The following PRR33 variants were observed in gnomAD, a reference collection of about 807,000 sequenced individuals.
PRR33 encodes proline rich 33.
A neutral mutation model predicts 0.5 loss-of-function variants in PRR33; 1 was observed. That is an observed-to-expected ratio of 2.18 (90% CI 0.77 to 10.34). PRR33 has a LOEUF of 10.34. Ranked by LOEUF, PRR33 falls within the 30% of genes most tolerant of loss-of-function variation. The probability of loss-of-function intolerance (pLI) is 0.13; values close to 1 mark genes in which losing one functional copy is unlikely to be tolerated. For synonymous variants in PRR33, 226 were observed against 110.0 expected (o/e 2.06, Z -6.60); for missense variants, 552 against 251.8 (o/e 2.19, Z -8.07).
chr11:1,901,425 A>G, the PRR33 span, among the ~76,000 whole-genome samples: 6 of 152,208 alleles, frequency 3.9e-5, no homozygotes, highest in South Asian at 1.2e-3. Context: ...TATCAGATAC[A>G]TGTCATACAG....
At chr11:1,890,310 G>A in exon 1 of PRR33, 3 of 711,440 alleles carry the variant, frequency 4.2e-6, no homozygotes, top group Non-Finnish European at 7.8e-6. Flanking sequence ...AAGGCGTGGG[G>A]CTTCGGCGGG....
the PRR33 span, chr11:1,902,774 A>G: frequency 6.6e-6 from 1 of 152,198 alleles, no homozygotes; most frequent in Non-Finnish European, 1.5e-5. Context: ...AAGTAAAGGA[A>G]TAAAGAATGG....
the PRR33 span, among the ~76,000 whole-genome samples, chr11:1,914,558 G>GTA: frequency 6.8e-6 from 1 of 146,126 alleles, no homozygotes; most frequent in African/African-American, 2.6e-5. Context: ...GTGTTGTAGG[G>GTA]TATATACACC....
At chr11:1,913,381 C>T in the PRR33 span, among the ~76,000 whole-genome samples, 1 of 151,342 alleles carries the variant, frequency 6.6e-6, no homozygotes, top group Non-Finnish European at 1.5e-5. Context: ...CTCCTGACCT[C>T]GTGATCCGCC....
the PRR33 span, among the ~76,000 whole-genome samples, chr11:1,905,641 A>G: frequency 2.0e-5 from 3 of 148,854 alleles, no homozygotes; most frequent in Non-Finnish European, 1.5e-5. Flanking sequence ...GTTTCTACCA[A>G]ACCCTGGTAG....
At chr11:1,911,515 T>G in the PRR33 span, among the ~76,000 whole-genome samples, 3 of 150,200 alleles carry the variant, frequency 2.0e-5, no homozygotes, top group Non-Finnish European at 3.0e-5. Context: ...CCTCCCGGGT[T>G]CAATCGATTC....
chr11:1,894,863 G>A (rs943658403), upstream of PRR33, among the ~76,000 whole-genome samples: 5 of 152,212 alleles, frequency 3.3e-5, no homozygotes, highest in Non-Finnish European at 5.9e-5. Flanking sequence ...CGTGGGAGGT[G>A]TGTGTGAAAC....
At chr11:1,903,779 C>G in the PRR33 span, among the ~76,000 whole-genome samples, 1 of 152,198 alleles carries the variant, frequency 6.6e-6, no homozygotes, top group African/African-American at 2.4e-5. Flanking sequence ...TCGTGATCAA[C>G]TGAGCAATGA....
the PRR33 span, among the ~76,000 whole-genome samples, chr11:1,901,338 G>A: frequency 2.6e-5 from 4 of 151,284 alleles, no homozygotes; most frequent in Non-Finnish European, 4.4e-5. Context: ...GCAAGATGGA[G>A]TCAATTAAGT....
the PRR33 span, among the ~76,000 whole-genome samples, chr11:1,912,514 G>A: frequency 3.9e-5 from 6 of 152,038 alleles, no homozygotes; most frequent in South Asian, 2.1e-4. Flanking sequence ...TCTTTTCGTC[G>A]ACATTGCTTA....
At chr11:1,909,027 T>G in the PRR33 span, among the ~76,000 whole-genome samples, 1 of 152,196 alleles carries the variant, frequency 6.6e-6, no homozygotes, top group Admixed American at 6.5e-5. Flanking sequence ...CTATTCAAAC[T>G]ATGCCAGTAG....
At chr11:1,905,122 C>CTTTTTTTTTTTTTTTTTTT in the PRR33 span, among the ~76,000 whole-genome samples, 1 of 96,584 alleles carries the variant, frequency 1.0e-5, no homozygotes. Context: ...CTTGAGAATT[C>CTTTTTTTTTTTTTTTTTTT]TTTTTTTTTT....
the PRR33 span, among the ~76,000 whole-genome samples, chr11:1,909,899 A>T: frequency 1.3e-5 from 2 of 152,260 alleles, no homozygotes; most frequent in Non-Finnish European, 2.9e-5. Context: ...ACGTTTCATC[A>T]TAAGTGTGTG....
At chr11:1,890,681 G>C (rs534790136) in exon 1 of PRR33, 1 of 630,720 alleles carries the variant, frequency 1.6e-6, no homozygotes, top group South Asian at 1.8e-5. Flanking sequence ...GAGGACCTGG[G>C]GCCAGGGGTG....
chr11:1,914,600 G>T, the PRR33 span, among the ~76,000 whole-genome samples: 1 of 149,978 alleles, frequency 6.7e-6, no homozygotes, highest in Admixed American at 6.6e-5. Flanking sequence ...GTGTGTGTGT[G>T]TGTGTGTGTT....
chr11:1,898,799 G>A, the PRR33 span, among the ~76,000 whole-genome samples: 4 of 152,018 alleles, frequency 2.6e-5, no homozygotes, highest in East Asian at 2.0e-4. Flanking sequence ...TCAGGAGTTC[G>A]AGACCAGCCT....
exon 1 of PRR33, chr11:1,889,147 A>G (rs1448971361): frequency 1.5e-6 from 1 of 655,140 alleles, no homozygotes; most frequent in East Asian, 2.8e-5. Context: ...TGGCCACTTC[A>G]CTGGAGCCTC....
the PRR33 span, among the ~76,000 whole-genome samples, chr11:1,907,379 T>C: frequency 6.6e-6 from 1 of 152,216 alleles, no homozygotes; most frequent in Non-Finnish European, 1.5e-5. Flanking sequence ...TTCCCCAGCA[T>C]GAAAGCAGAT....
chr11:1,907,443 G>A, the PRR33 span, among the ~76,000 whole-genome samples: 7 of 152,170 alleles, frequency 4.6e-5, no homozygotes, highest in African/African-American at 1.7e-4. Context: ...ATGGAGTCTC[G>A]CTCTGTTGTC....
Sources: gnomAD v4.1 joint callset for allele counts (sites outside exome capture counted in the v4.1 genomes callset) on GRCh38, gnomAD v4.1.1 for gene constraint, MANE v1.5 for transcripts, NCBI Gene and HGNC (gene_info 2026-07-23, HGNC 2026-07-21) for gene names.